The following JMJD1C variants were observed in gnomAD, a reference collection of about 807,000 sequenced individuals.
JMJD1C encodes the protein jumonji domain containing 1C.
Under a neutral mutation model 245.3 loss-of-function variants are expected in JMJD1C, and 31 were observed. That is an observed-to-expected ratio of 0.13 (90% confidence interval 0.09 to 0.17). JMJD1C has a LOEUF of 0.17. JMJD1C is among the 10% of genes least tolerant of loss of function. The pLI, the probability that JMJD1C is intolerant of heterozygous loss-of-function variation, is 1.00. For missense variants in JMJD1C, 2,691 were observed against 3,000.2 expected, an observed-to-expected ratio of 0.90 and a Z score of 2.41; for synonymous variants, 1,057 against 1,017.4, an observed-to-expected ratio of 1.04 and a Z score of -0.74.
chr10:63,246,736 C>T (rs953033468), intron 3 of JMJD1C, among the ~76,000 whole-genome samples: 6 of 152,038 alleles, frequency 3.9e-5, no homozygotes, highest in Non-Finnish European at 7.4e-5. Context: ...GAAAATCATA[C>T]GGCAAACTGT....
At chr10:63,444,222 C>G (rs1378133981) in intron 1 of JMJD1C, among the ~76,000 whole-genome samples, 1 of 152,270 alleles carries the variant, frequency 6.6e-6, no homozygotes, top group East Asian at 1.9e-4. Flanking sequence ...AGTGATGCAT[C>G]TCAAAGAATT....
intron 1 of JMJD1C, among the ~76,000 whole-genome samples, chr10:63,442,848 T>C (rs1246817167): frequency 7.9e-6 from 1 of 127,174 alleles, no homozygotes; most frequent in Non-Finnish European, 2.0e-5. Context: ...AAGTATTGAG[T>C]TTTTTTTCCT....
rs73294325 is a variant in JMJD1C at position 63,326,192 on chromosome 10, C to T, written c.333+54126G>A. 4.6e-5 allele frequency among the ~76,000 whole-genome samples: 7 copies of T among 151,966 alleles called. No individual in the cohort carries two copies. The South Asian group carries it at 8.3e-4, about 18-fold the overall frequency. ...AGAAGTGTAATAACACAGTGAAAGCCGTGTTTAAAGATGATAAAATGGCCA... is the reference window on the plus strand; with the variant it reads ...AGAAGTGTAATAACACAGTGAAAGCTGTGTTTAAAGATGATAAAATGGCCA... On this transcript the variant is annotated intron_variant, in intron 2 of 25. Transcript: ENST00000399262.
At chr10:63,379,105 T>A (rs1947008411) in intron 2 of JMJD1C, among the ~76,000 whole-genome samples, 1 of 152,092 alleles carries the variant, frequency 6.6e-6, no homozygotes, top group African/African-American at 2.4e-5. Flanking sequence ...TCTATTAAAT[T>A]TCTATTCTAT....
intron 3 of JMJD1C, among the ~76,000 whole-genome samples, chr10:63,249,930 T>TA (rs1246439521): frequency 6.6e-6 from 1 of 152,002 alleles, no homozygotes; most frequent in Admixed American, 6.5e-5. Flanking sequence ...ATTACAATGA[T>TA]TTGATCTTTA....
At chr10:63,263,320 C>T (rs1352267698) in intron 3 of JMJD1C, among the ~76,000 whole-genome samples, 1 of 152,146 alleles carries the variant, frequency 6.6e-6, no homozygotes, top group Non-Finnish European at 1.5e-5. Flanking sequence ...ATAATGTTTA[C>T]ACTAAATGAA....
At chr10:63,353,039 T>C (rs1944498214) in intron 2 of JMJD1C, among the ~76,000 whole-genome samples, 1 of 152,180 alleles carries the variant, frequency 6.6e-6, no homozygotes, top group Admixed American at 6.5e-5. Flanking sequence ...GAGAGACTGA[T>C]GGTCATCAAA....
chr10:63,312,847 A>C (rs944339395), intron 2 of JMJD1C, among the ~76,000 whole-genome samples: 8 of 152,218 alleles, frequency 5.3e-5, no homozygotes, highest in African/African-American at 1.9e-4. Context: ...TATACTTAGA[A>C]TTGATTAGTT....
chr10:63,388,813 C>T (rs1434546767), intron 1 of JMJD1C, among the ~76,000 whole-genome samples: 1 of 151,992 alleles, frequency 6.6e-6, no homozygotes, highest in Non-Finnish European at 1.5e-5. Flanking sequence ...TATAAAGGTA[C>T]ATATAAACTG....
Position 63,193,019 on chromosome 10 carries a change from T to G in JMJD1C, c.5995A>C (p.Lys1999Gln), listed in dbSNP as rs1253490105. Residue 1999 changes from lysine (K) to glutamine (Q), a missense_variant, in exon 16 of 26, where the codon AAG (lysine) becomes CAG (glutamine). Physicochemically the swap from Lys to Gln is moderately conservative, Grantham distance 53. Coordinates refer to ENST00000399262, the MANE Select transcript of JMJD1C (RefSeq NM_032776.3). ...GACTGGGATTCTGGAGGAGTTAACTTGTTATCTGTGCCTACATCACTCTCT... is the reference window on the plus strand; with the variant it reads ...GACTGGGATTCTGGAGGAGTTAACTGGTTATCTGTGCCTACATCACTCTCT... ...SPESDVGTDNKLTPPESQSPL... is the reference protein window; with the variant it reads ...SPESDVGTDNQLTPPESQSPL... 8.7e-6 allele frequency: 14 copies of G among 1,614,176 alleles called. No homozygotes were observed. Among genetic ancestry groups the G allele is most frequent in the Non-Finnish European group, 1.1e-5 (13 of 1,180,004 alleles).
At chr10:63,511,528 G>T (rs1469614019) in intron 1 of JMJD1C, among the ~76,000 whole-genome samples, 1 of 152,164 alleles carries the variant, frequency 6.6e-6, no homozygotes, top group Admixed American at 6.5e-5. Context: ...AGGCCAACAT[G>T]CTGAAATCCC....
chr10:63,414,430 T>A (rs1039843274), intron 1 of JMJD1C, among the ~76,000 whole-genome samples: 2 of 152,210 alleles, frequency 1.3e-5, no homozygotes, highest in South Asian at 2.1e-4. Flanking sequence ...AATTTAGAGA[T>A]CTCAAGTCTA....
chr10:63,396,996 C>T (rs558079599), intron 1 of JMJD1C, among the ~76,000 whole-genome samples: 156 of 148,354 alleles, frequency 1.1e-3, no homozygotes, highest in African/African-American at 3.7e-3. Context: ...GTGTCACAAT[C>T]ATGACTGAAG....
At chr10:63,216,888 G>A (rs557898296) in intron 5 of JMJD1C, among the ~76,000 whole-genome samples, 3 of 152,144 alleles carry the variant, frequency 2.0e-5, no homozygotes, top group South Asian at 2.1e-4. Context: ...TATTACTGGA[G>A]GGACAGAAAA....
Position 63,429,548 on chromosome 10 carries a change from C to T in JMJD1C, c.168+35947G>A, listed in dbSNP as rs531010044. 3.3e-5 allele frequency among the ~76,000 whole-genome samples: 5 copies of T among 152,204 alleles called. No homozygotes were observed. In the South Asian group the frequency reaches 8.3e-4, roughly 25 times the overall value. On this transcript the variant is annotated intron_variant, in intron 1 of 25. Transcript: ENST00000399262. ...TAATGACCAACACAGATGCATAAAA[C>T]GAGTTGCTTTGATACAATGTTACAT...
intron 22 of JMJD1C, among the ~76,000 whole-genome samples, chr10:63,180,254 C>T (rs906793604): frequency 1.3e-5 from 2 of 152,178 alleles, no homozygotes; most frequent in Non-Finnish European, 2.9e-5. Context: ...TCAGGTGATC[C>T]ACCACCTTGG....
At chr10:63,253,174 A>G (rs1853344269) in intron 3 of JMJD1C, among the ~76,000 whole-genome samples, 1 of 152,194 alleles carries the variant, frequency 6.6e-6, no homozygotes, top group Non-Finnish European at 1.5e-5. Flanking sequence ...AGGTACTGGA[A>G]GTAATCAAAA....
intron 3 of JMJD1C, among the ~76,000 whole-genome samples, chr10:63,243,036 A>G (rs1302257079): frequency 2.0e-5 from 3 of 149,592 alleles, no homozygotes; most frequent in African/African-American, 4.9e-5. Flanking sequence ...TCTATTGCCA[A>G]TTTCTGAGAC....
At chr10:63,467,379 A>G (rs7094808), upstream of JMJD1C, among the ~76,000 whole-genome samples, 8,873 of 152,148 alleles carry the variant, frequency 0.058, 425 homozygotes, top group African/African-American at 0.13. Context: ...GGCATGGTGG[A>G]GCATGCCTGT....
Sources: gnomAD v4.1 joint callset for allele counts (sites outside exome capture counted in the v4.1 genomes callset) on GRCh38, gnomAD v4.1.1 for gene constraint, MANE v1.5 for transcripts, NCBI Gene and HGNC (gene_info 2026-07-23, HGNC 2026-07-21) for gene names.